Variants in GRIA1 observed in about 807,000 individuals in gnomAD.
The protein encoded by GRIA1 is glutamate receptor 1.
In GRIA1, 31 loss-of-function variants were observed where a neutral mutation model predicts 99.2. The observed-to-expected ratio is 0.31, with a 90% confidence interval of 0.23 to 0.42. The LOEUF (loss-of-function observed/expected upper bound fraction) is 0.42. Ranked by LOEUF, GRIA1 falls within the 10% of genes least tolerant of loss-of-function variation. The pLI is 1.00. For synonymous variants in GRIA1, 438 were observed against 432.4 expected (o/e 1.01, Z -0.16); for missense variants, 782 against 1,157.5 (o/e 0.68, Z 4.71).
intron 2 of GRIA1, among the ~76,000 whole-genome samples, chr5:153,595,250 C>T (rs1764324842): frequency 1.3e-5 from 2 of 152,120 alleles, no homozygotes; most frequent in Admixed American, 1.3e-4. Flanking sequence ...TTAAAATAAA[C>T]TTTTATTGTA....
chr5:153,764,668 A>T (rs1295242307), intron 12 of GRIA1, 36 bp downstream of exon 12: 1 of 1,425,360 alleles, frequency 7.0e-7, no homozygotes, highest in East Asian at 2.3e-5. Flanking sequence ...ACTTTCACAA[A>T]AGGGAACCAC....
At chr5:153,781,177 G>A (rs964606861) in intron 13 of GRIA1, among the ~76,000 whole-genome samples, 6 of 151,948 alleles carry the variant, frequency 3.9e-5, no homozygotes, top group African/African-American at 1.2e-4. Flanking sequence ...CTAACCAAAG[G>A]AACCAACTTC....
Position 153,730,843 on chromosome 5 carries a change from C to T in GRIA1, c.1823+24776C>T, listed in dbSNP as rs116664982. ...CCACCTGTATTTCAATGGCATAATT[C>T]ATTTTCTCCTCTTATGTCAGAATGC... On this transcript the variant is annotated intron_variant, in intron 11 of 15. Coordinates refer to ENST00000285900, the MANE Select transcript of GRIA1 (RefSeq NM_000827.4). Among the ~76,000 whole-genome samples the T allele has an allele frequency of 8.7e-3, 1,326 of 152,200 alleles. 7 individuals are homozygous for T. Among genetic ancestry groups the T allele is most frequent in the South Asian group, 0.014 (66 of 4,822 alleles).
chr5:153,722,618 A>G (rs868142215), intron 11 of GRIA1, among the ~76,000 whole-genome samples: 30 of 152,326 alleles, frequency 2.0e-4, no homozygotes, highest in South Asian at 8.3e-4. Context: ...TACCAAATAC[A>G]TGCAGGTCTG....
intron 2 of GRIA1, among the ~76,000 whole-genome samples, chr5:153,537,032 G>A (rs1758641859): frequency 6.6e-6 from 1 of 152,208 alleles, no homozygotes; most frequent in Non-Finnish European, 1.5e-5. Context: ...CCATTTTGTA[G>A]AGAGAGATTC....
chr5:153,545,025 C>A (rs565374430), intron 2 of GRIA1, among the ~76,000 whole-genome samples: 1 of 152,092 alleles, frequency 6.6e-6, no homozygotes, highest in East Asian at 1.9e-4. Flanking sequence ...ACATACAATA[C>A]GGTTCTAAGT....
chr5:153,724,819 C>G (rs960704022), intron 11 of GRIA1, among the ~76,000 whole-genome samples: 1 of 152,232 alleles, frequency 6.6e-6, no homozygotes, highest in Non-Finnish European at 1.5e-5. Context: ...TTGGAAAACA[C>G]TCTGCAGGAT....
intron 2 of GRIA1, among the ~76,000 whole-genome samples, chr5:153,503,570 A>G (rs758594454): frequency 6.6e-6 from 1 of 152,242 alleles, no homozygotes; most frequent in Non-Finnish European, 1.5e-5. Context: ...TTCATTACCC[A>G]TAAATGAATC....
chr5:153,597,910 G>A (rs1035915438), intron 2 of GRIA1, among the ~76,000 whole-genome samples: 1 of 152,032 alleles, frequency 6.6e-6, no homozygotes, highest in Non-Finnish European at 1.5e-5. Flanking sequence ...TACTCAGGAG[G>A]CTGAGTTGGG....
At chr5:153,721,195 T>A (rs1018673292) in intron 11 of GRIA1, among the ~76,000 whole-genome samples, 1 of 152,260 alleles carries the variant, frequency 6.6e-6, no homozygotes, top group Non-Finnish European at 1.5e-5. Context: ...AGATTCATAT[T>A]CATGGTGATG....
intron 2 of GRIA1, among the ~76,000 whole-genome samples, chr5:153,545,259 G>A (rs1353082): frequency 0.46 from 70,628 of 152,008 alleles, 18,130 homozygotes; most frequent in Non-Finnish European, 0.59. Context: ...GAGGGAGAAC[G>A]ACAGTTATGA....
chr5:153,587,400 C>G (rs1289922900), intron 2 of GRIA1, among the ~76,000 whole-genome samples: 1 of 152,114 alleles, frequency 6.6e-6, no homozygotes, highest in Non-Finnish European at 1.5e-5. Flanking sequence ...AACTGTGAGC[C>G]AATTAAACCT....
chr5:153,720,865 A>G (rs1229530642), intron 11 of GRIA1, among the ~76,000 whole-genome samples: 3 of 152,218 alleles, frequency 2.0e-5, no homozygotes, highest in Admixed American at 6.5e-5. Context: ...AATAAGGAAC[A>G]CCAAGTCTTT....
rs373126894 is a variant in GRIA1 at position 153,811,016 on chromosome 5, C to T, written c.2521-9C>T. ...GACCCGGGGAAGAACCCCCGGTCCT[C>T]CTGAAAAGGGTTTTTGTTTGATCCC... On this transcript the variant is annotated splice_polypyrimidine_tract_variant and intron_variant, in intron 15 of 15. Coordinates refer to ENST00000285900, the MANE Select transcript of GRIA1 (RefSeq NM_000827.4). The T allele has an allele frequency of 2.0e-5, 32 of 1,612,256 alleles. No homozygotes were observed. Among genetic ancestry groups the T allele is most frequent in the African/African-American group, 2.7e-5 (2 of 75,016 alleles).
rs562443452 is a variant in GRIA1, at chr5:153,536,327, C to A, written c.220+42262C>A. ...GGCCAAGTTTAGATCTAATCCCTAC[C>A]AATAAGCTTTCCTCAATCTCCCACC... On this transcript the variant is annotated intron_variant, in intron 2 of 15. Transcript: ENST00000285900. 1.4e-3 allele frequency among the ~76,000 whole-genome samples: 209 copies of A among 152,232 alleles called. 1 individual carries two copies. Among genetic ancestry groups the A allele is most frequent in the African/African-American group, 4.8e-3 (199 of 41,530 alleles).
intron 10 of GRIA1, among the ~76,000 whole-genome samples, chr5:153,701,358 T>C (rs886533419): frequency 1.2e-4 from 19 of 152,024 alleles, no homozygotes; most frequent in East Asian, 1.2e-3. Flanking sequence ...CTCATGCCTG[T>C]AATCCCAGCA....
At chr5:153,528,183 T>G (rs1757780076) in intron 2 of GRIA1, among the ~76,000 whole-genome samples, 1 of 152,192 alleles carries the variant, frequency 6.6e-6, no homozygotes, top group Non-Finnish European at 1.5e-5. Flanking sequence ...CATATAGACA[T>G]TATTTTATGT....
chr5:153,680,287 C>A (rs565983121), intron 7 of GRIA1, among the ~76,000 whole-genome samples: 1 of 152,132 alleles, frequency 6.6e-6, no homozygotes, highest in Admixed American at 6.5e-5. Flanking sequence ...CAGCTGCCTG[C>A]CTGCCCCCTG....
rs377210187 is a variant in GRIA1, at chr5:153,764,527, C to T, written c.1917C>T (p.Thr639=). ...CAGCCAATCTGGCCGCCTTCCTGAC[C>T]GTGGAGAGGATGGTGTCTCCCATTG... The part of the protein sequence containing the change: ...SYTANLAAFL[T]VERMVSPIES... The change falls in exon 12 of 16, where the codon ACC becomes ACT. Residue 639 remains threonine, a synonymous_variant. Transcript: ENST00000285900. 2.7e-5 allele frequency: 44 copies of T among 1,613,518 alleles called. No individual in the cohort carries two copies. In the Middle Eastern group the frequency reaches 1.3e-3, roughly 48 times the overall value.
Sources: allele counts gnomAD v4.1 joint callset (sites outside exome capture counted in the v4.1 genomes callset), GRCh38; gene constraint gnomAD v4.1.1; transcripts MANE v1.5; gene names NCBI Gene and HGNC (gene_info 2026-07-23, HGNC 2026-07-21).